Variants in SMARCC1 observed in about 807,000 individuals in gnomAD.
SMARCC1 encodes SWI/SNF related BAF chromatin remodeling complex subunit C1, also known as SWI/SNF complex subunit SMARCC1.
A neutral mutation model predicts 147.4 loss-of-function variants in SMARCC1; 43 were observed. That is an observed-to-expected ratio of 0.29 (90% CI 0.23 to 0.38). SMARCC1 has a LOEUF of 0.38. SMARCC1 is among the 10% of genes least tolerant of loss of function. The pLI, the probability that SMARCC1 is intolerant of heterozygous loss-of-function variation, is 1.00. For synonymous variants in SMARCC1, 495 were observed against 484.4 expected (o/e 1.02, Z -0.29); for missense variants, 1,119 against 1,381.1 (o/e 0.81, Z 3.01).
intron 5 of SMARCC1, among the ~76,000 whole-genome samples, chr3:47,731,041 T>C (rs1368033109): frequency 2.6e-5 from 4 of 152,162 alleles, no homozygotes; most frequent in South Asian, 2.1e-4. Context: ...GTCACATTGA[T>C]TGACTCCTTT....
chr3:47,653,789 C>A (rs1038775895), intron 21 of SMARCC1, among the ~76,000 whole-genome samples: 1 of 152,170 alleles, frequency 6.6e-6, no homozygotes, highest in Non-Finnish European at 1.5e-5. Context: ...GACCCAAATT[C>A]TGTTGCTGCA....
chr3:47,758,042 T>C (rs568009966), intron 2 of SMARCC1, among the ~76,000 whole-genome samples: 1 of 152,184 alleles, frequency 6.6e-6, no homozygotes, highest in Admixed American at 6.5e-5. Flanking sequence ...CCCAAAAGCC[T>C]ATCAATGCAA....
At chr3:47,691,276 A>G (rs1270234917) in intron 12 of SMARCC1, among the ~76,000 whole-genome samples, 2 of 152,166 alleles carry the variant, frequency 1.3e-5, no homozygotes, top group African/African-American at 2.4e-5. Context: ...AGAAAGACCT[A>G]TATTTGATGA....
chr3:47,597,304 GCAC>G (rs1164707461), intron 26 of SMARCC1, among the ~76,000 whole-genome samples: 2 of 152,090 alleles, frequency 1.3e-5, no homozygotes, highest in African/African-American at 4.8e-5. Flanking sequence ...TTACAGGTGT[GCAC>G]CACCACGTCA....
chr3:47,753,162 G>C (rs542498822), intron 2 of SMARCC1, among the ~76,000 whole-genome samples: 1 of 151,816 alleles, frequency 6.6e-6, no homozygotes, highest in African/African-American at 2.4e-5. Flanking sequence ...TGGCCAACAT[G>C]GTAAAACCCC....
chr3:47,713,241 C>G (rs1328303676), intron 8 of SMARCC1, among the ~76,000 whole-genome samples: 3 of 151,784 alleles, frequency 2.0e-5, no homozygotes, highest in Non-Finnish European at 4.4e-5. Flanking sequence ...TGGTGTGAAC[C>G]CGGGAGGTGG....
intron 24 of SMARCC1, among the ~76,000 whole-genome samples, chr3:47,627,173 G>A: frequency 6.6e-6 from 1 of 152,054 alleles, no homozygotes; most frequent in East Asian, 1.9e-4. Flanking sequence ...CTTTGGCTTT[G>A]GGACCACATA....
At chr3:47,692,135 A>C (rs1373540301) in intron 12 of SMARCC1, among the ~76,000 whole-genome samples, 2 of 152,238 alleles carry the variant, frequency 1.3e-5, no homozygotes, top group African/African-American at 4.8e-5. Flanking sequence ...ATTTTAGTAA[A>C]TACTGAAAAC....
At chr3:47,745,251 A>C (rs1229051284) in intron 3 of SMARCC1, among the ~76,000 whole-genome samples, 1 of 152,124 alleles carries the variant, frequency 6.6e-6, no homozygotes. Flanking sequence ...AGCGCAACTA[A>C]GTCTCAAAAA....
chr3:47,749,670 AAC>A (rs1328820771), intron 2 of SMARCC1, among the ~76,000 whole-genome samples: 1 of 92,412 alleles, frequency 1.1e-5, no homozygotes, highest in Non-Finnish European at 2.4e-5. Flanking sequence ...CTCTAAATTA[AAC>A]ACACACACAC....
chr3:47,678,260 T>C lies in SMARCC1; in HGVS notation c.1509A>G (p.Gln503=), dbSNP rs1054911211. The C allele has an allele frequency of 3.1e-6, 5 of 1,608,240 alleles. No individual in the cohort carries two copies. The highest frequency in any genetic ancestry group is 4.2e-6 in the Non-Finnish European group (5 of 1,177,666). Residue 503 remains glutamine, a synonymous_variant, in exon 16 of 28, where the codon CAA becomes CAG. Coordinates refer to ENST00000254480, the MANE Select transcript of SMARCC1 (RefSeq NM_003074.4). ...FMIDTYRLNP[Q]EYLTSTACRR... ...GACAAGCAGTGCTAGTTAAATACTC[T>C]TGGGGGTTTAGACGATACGTGTCAA...
chr3:47,622,277 A>G lies in SMARCC1; in HGVS notation c.2711T>C (p.Met904Thr). ...TCGAAGTTTGATCTCTAGTTTCTTC[A>G]TTTGTGTCTCAACCAAGAGAGCTAC... ...SLVALLVETQ[M>T]KKLEIKLRHF... The change falls in exon 25 of 28, where the codon ATG becomes ACG. Residue 904 changes from methionine (M) to threonine (T), a missense_variant. Around this residue, in one of 6 missense-constraint regions of SMARCC1, gnomAD observed 42 missense variants for 89.4 expected, o/e 0.47. Transcript: ENST00000254480. 2 of 1,608,302 alleles carry G rather than the reference A, an allele frequency of 1.2e-6. No homozygotes were observed. Among genetic ancestry groups the G allele is most frequent in the East Asian group, 2.2e-5 (1 of 44,792 alleles).
intron 25 of SMARCC1, among the ~76,000 whole-genome samples, chr3:47,614,632 C>T (rs535646291): frequency 1.3e-5 from 2 of 152,322 alleles, no homozygotes; most frequent in African/African-American, 2.4e-5. Context: ...TTCACCATTT[C>T]TCTTCACTTC....
intron 25 of SMARCC1, among the ~76,000 whole-genome samples, chr3:47,616,411 C>T (rs913604250): frequency 2.0e-5 from 3 of 152,078 alleles, no homozygotes; most frequent in East Asian, 1.9e-4. Flanking sequence ...GGAATAGCTA[C>T]TAATTATAGC....
At chr3:47,760,702 C>T (rs550263187) in intron 2 of SMARCC1, among the ~76,000 whole-genome samples, 102 of 152,176 alleles carry the variant, frequency 6.7e-4, no homozygotes, top group Non-Finnish European at 1.3e-3. Context: ...AACAAACAAA[C>T]GTCAATCAGC....
chr3:47,728,478 T>C (rs914886813), intron 6 of SMARCC1, among the ~76,000 whole-genome samples: 6 of 152,184 alleles, frequency 3.9e-5, no homozygotes, highest in African/African-American at 7.2e-5. Context: ...TATTTCCTTT[T>C]TCGTTAGGTT....
chr3:47,722,963 T>A (rs913978971), intron 6 of SMARCC1, among the ~76,000 whole-genome samples: 1 of 152,190 alleles, frequency 6.6e-6, no homozygotes, highest in African/African-American at 2.4e-5. Context: ...TGGGGATGAC[T>A]GAATAATTGC....
intron 25 of SMARCC1, among the ~76,000 whole-genome samples, chr3:47,611,482 A>G (rs1223959037): frequency 1.3e-5 from 2 of 152,252 alleles, no homozygotes; most frequent in African/African-American, 4.8e-5. Flanking sequence ...ATACTGGATT[A>G]TGTAAAACAT....
chr3:47,668,044 T>C (rs776510402), intron 19 of SMARCC1, among the ~76,000 whole-genome samples: 1 of 152,160 alleles, frequency 6.6e-6, no homozygotes, highest in Non-Finnish European at 1.5e-5. Context: ...CATATATATA[T>C]AGATACGCAT....
Sources: gnomAD v4.1 joint callset for allele counts (sites outside exome capture counted in the v4.1 genomes callset) on GRCh38, gnomAD v4.1.1 for gene constraint, gnomAD v4.1.1 regional missense constraint, MANE v1.5 for transcripts, NCBI Gene and HGNC (gene_info 2026-07-23, HGNC 2026-07-21) for gene names.